ADGRB3: variants seen among roughly 807,000 people sequenced by gnomAD.
ADGRB3 encodes the protein brain-specific angiogenesis inhibitor 3.
In ADGRB3, 37 loss-of-function variants were observed where a neutral mutation model predicts 193.4. The ratio of observed to expected loss-of-function variants is 0.19; its 90% CI spans 0.15 to 0.25. The LOEUF is 0.25. Among genes scored for constraint, ADGRB3 ranks in the 10% least tolerant of loss-of-function variants. The pLI, the probability that ADGRB3 is intolerant of heterozygous loss-of-function variation, is 1.00. For synonymous variants in ADGRB3, 690 were observed against 644.2 expected, an observed-to-expected ratio of 1.07 and a Z score of -1.08; for missense variants, 1,637 against 1,852.9, an observed-to-expected ratio of 0.88 and a Z score of 2.14.
intron 20 of ADGRB3, among the ~76,000 whole-genome samples, chr6:69,301,913 T>A (rs1767956945): frequency 6.6e-6 from 1 of 151,986 alleles, no homozygotes; most frequent in South Asian, 2.1e-4. Context: ...AAAGTCATTG[T>A]ATGACAACTA....
intron 31 of ADGRB3, among the ~76,000 whole-genome samples, chr6:69,384,945 T>A (rs1292206001): frequency 5.8e-5 from 8 of 138,340 alleles, no homozygotes; most frequent in Non-Finnish European, 1.2e-4. Flanking sequence ...AATAAAGGGG[T>A]TTTTCTTTTC....
intron 11 of ADGRB3, among the ~76,000 whole-genome samples, chr6:68,997,453 G>A (rs1287387157): frequency 8.3e-6 from 1 of 120,878 alleles, no homozygotes; most frequent in Non-Finnish European, 1.6e-5. Context: ...GACCAGCCTG[G>A]ACAACATGGT....
At chr6:69,141,058 G>GA (rs929041234) in intron 17 of ADGRB3, among the ~76,000 whole-genome samples, 10 of 146,000 alleles carry the variant, frequency 6.8e-5, no homozygotes, top group African/African-American at 2.3e-4. Context: ...ATGCTAAGGA[G>GA]AAAAAAAATG....
chr6:68,768,767 G>T (rs1466671392), intron 3 of ADGRB3, among the ~76,000 whole-genome samples: 1 of 151,948 alleles, frequency 6.6e-6, no homozygotes, highest in East Asian at 1.9e-4. Context: ...CTACAGAATG[G>T]GAGAAAGTTT....
At chr6:69,383,341 T>C (rs1392884130) in intron 31 of ADGRB3, among the ~76,000 whole-genome samples, 1 of 151,920 alleles carries the variant, frequency 6.6e-6, no homozygotes, top group Non-Finnish European at 1.5e-5. Context: ...GAAACCAGAG[T>C]GATAGATTTT....
intron 10 of ADGRB3, among the ~76,000 whole-genome samples, chr6:68,983,985 A>G (rs1769001508): frequency 6.6e-6 from 1 of 152,180 alleles, no homozygotes; most frequent in Non-Finnish European, 1.5e-5. Context: ...CCATGTAGCG[A>G]AAATAACATA....
intron 31 of ADGRB3, among the ~76,000 whole-genome samples, chr6:69,387,151 T>A (rs560985494): frequency 1.2e-3 from 181 of 152,218 alleles, no homozygotes; most frequent in African/African-American, 4.3e-3. Context: ...ATCACATTCA[T>A]CTGAAGTGGA....
chr6:68,940,699 C>A (rs1252571742), intron 5 of ADGRB3, among the ~76,000 whole-genome samples: 2 of 151,830 alleles, frequency 1.3e-5, no homozygotes, highest in Admixed American at 6.6e-5. Context: ...AGAGACCAGC[C>A]TGGCTAACAT....
intron 17 of ADGRB3, among the ~76,000 whole-genome samples, chr6:69,095,050 A>G: frequency 6.6e-6 from 1 of 152,174 alleles, no homozygotes; most frequent in East Asian, 1.9e-4. Context: ...AACAATTTGA[A>G]TCCCTCTTGA....
chr6:68,649,855 A>G (rs1376548130), intron 3 of ADGRB3, among the ~76,000 whole-genome samples: 1 of 152,102 alleles, frequency 6.6e-6, no homozygotes. Context: ...GTTGAAGGTT[A>G]CAGCTTCTGT....
intron 3 of ADGRB3, among the ~76,000 whole-genome samples, chr6:68,698,234 T>C (rs1765188124): frequency 6.6e-6 from 1 of 151,996 alleles, no homozygotes; most frequent in Non-Finnish European, 1.5e-5. Flanking sequence ...ACTTTGGAAC[T>C]GAATGTTTTT....
intron 17 of ADGRB3, among the ~76,000 whole-genome samples, chr6:69,141,128 T>TTTGGG (rs1263672101): frequency 1.6e-5 from 2 of 121,562 alleles, no homozygotes; most frequent in East Asian, 2.5e-4. Context: ...TCTTTTTTTT[T>TTTGGG]GGGGGGGGCG....
At chr6:68,997,562 G>A (rs1196138799) in intron 11 of ADGRB3, among the ~76,000 whole-genome samples, 6 of 151,096 alleles carry the variant, frequency 4.0e-5, no homozygotes, top group African/African-American at 7.3e-5. Flanking sequence ...AGCCTGAGGC[G>A]GTATCTCTTG....
In ADGRB3 at chr6:69,371,376, T is replaced by A. The variant is rs547524596; in HGVS notation, c.4240-1030T>A. On this transcript the variant is annotated intron_variant, in intron 29 of 31. Transcript: ENST00000370598. ...AAGAGTTAAAATGCAGACTAGAGTC[T>A]GCTACCTATCTTGGGTATGATTTCC... is the stretch of plus-strand genomic sequence containing the variant. 2.4e-4 allele frequency among the ~76,000 whole-genome samples: 36 copies of A among 152,244 alleles called. No homozygotes were observed. The South Asian group carries it at 6.6e-3, about 28-fold the overall frequency.
chr6:69,318,960 C>A (rs1479797990), intron 20 of ADGRB3, among the ~76,000 whole-genome samples: 2 of 150,696 alleles, frequency 1.3e-5, no homozygotes, highest in African/African-American at 2.4e-5. Flanking sequence ...GCCAAGGTTT[C>A]GCTGCTTTAT....
At chr6:69,014,975 C>T (rs892728159) in intron 12 of ADGRB3, among the ~76,000 whole-genome samples, 3 of 151,714 alleles carry the variant, frequency 2.0e-5, no homozygotes, top group Admixed American at 2.0e-4. Context: ...TGTGGGGCTG[C>T]CTCATTATTA....
chr6:69,188,940 G>C (rs778078013), intron 17 of ADGRB3, among the ~76,000 whole-genome samples: 1 of 151,902 alleles, frequency 6.6e-6, no homozygotes, highest in Non-Finnish European at 1.5e-5. Flanking sequence ...AAGTATCTGC[G>C]TAAAATAAAA....
At chr6:69,232,674 G>T (rs1378235700) in intron 17 of ADGRB3, 1 of 1,494,990 alleles carries the variant, frequency 6.7e-7, no homozygotes, top group Non-Finnish European at 9.0e-7. Flanking sequence ...AAGGCAATGA[G>T]AGTCGGAACC....
At chr6:68,965,452 T>G (rs186622305) in intron 8 of ADGRB3, among the ~76,000 whole-genome samples, 113 of 139,796 alleles carry the variant, frequency 8.1e-4, no homozygotes, top group East Asian at 5.8e-4. Flanking sequence ...CATGTTTTTT[T>G]TTTGTGTGTG....
Sources: gnomAD v4.1 joint callset for allele counts (sites outside exome capture counted in the v4.1 genomes callset) on GRCh38, gnomAD v4.1.1 for gene constraint, MANE v1.5 for transcripts, NCBI Gene and HGNC (gene_info 2026-07-23, HGNC 2026-07-21) for gene names.